Variants in EHBP1 observed in about 807,000 individuals in gnomAD.
EHBP1 encodes the protein EH domain-binding protein 1.
A neutral mutation model predicts 144.0 loss-of-function variants in EHBP1; 55 were observed. The observed-to-expected ratio is 0.38, with a 90% CI of 0.31 to 0.48. The LOEUF (loss-of-function observed/expected upper bound fraction) is 0.48, where lower values mean the gene tolerates loss of function less well. Among genes scored for constraint, EHBP1 ranks in the 20% least tolerant of loss-of-function variants. EHBP1 has a pLI of 0.98. For missense variants in EHBP1, 1,200 were observed against 1,364.2 expected, an observed-to-expected ratio of 0.88 and a Z score of 1.90; for synonymous variants, 469 against 472.7, an observed-to-expected ratio of 0.99 and a Z score of 0.10.
At chr2:62,733,555 G>T (rs2037820524) in intron 2 of EHBP1, among the ~76,000 whole-genome samples, 1 of 152,090 alleles carries the variant, frequency 6.6e-6, no homozygotes, top group African/African-American at 2.4e-5. Flanking sequence ...TCCCCTTTAG[G>T]TGAGAAAGGA....
intron 1 of EHBP1, among the ~76,000 whole-genome samples, chr2:62,690,292 G>A (rs564134877): frequency 5.3e-5 from 8 of 152,244 alleles, no homozygotes; most frequent in South Asian, 4.2e-4. Flanking sequence ...GGCTGGGCAC[G>A]GTGGCTCACG....
Position 62,753,822 on chromosome 2 carries a change from A to G in EHBP1, c.162+6370A>G, listed in dbSNP as rs181520361. Among the ~76,000 whole-genome samples, 80 of 152,238 alleles carry G rather than the reference A, an allele frequency of 5.3e-4. 1 individual carries two copies. In the East Asian group the frequency reaches 0.012, roughly 22 times the overall value. On this transcript the variant is annotated intron_variant, in intron 3 of 22. Coordinates refer to ENST00000431489, the MANE Select transcript of EHBP1 (RefSeq NM_001142616.3). ...CTTGTGCATTTGTCACGTAGTTCTCATGCCATGGTTTTCAGCTCCATCTGG... is the reference window on the plus strand; with the variant it reads ...CTTGTGCATTTGTCACGTAGTTCTCGTGCCATGGTTTTCAGCTCCATCTGG...
intron 10 of EHBP1, among the ~76,000 whole-genome samples, chr2:62,940,559 A>G (rs1299001452): frequency 1.3e-5 from 2 of 152,230 alleles, no homozygotes; most frequent in African/African-American, 4.8e-5. Flanking sequence ...AGTTTCATCC[A>G]ATTATGTACT....
At chr2:62,968,687 A>G (rs139253287) in intron 14 of EHBP1, among the ~76,000 whole-genome samples, 1 of 152,286 alleles carries the variant, frequency 6.6e-6, no homozygotes, top group East Asian at 1.9e-4. Flanking sequence ...TAAATACTTG[A>G]ACTGTTAGAC....
At chr2:62,771,007 TTGAAGGG>T (rs1305277013) in intron 4 of EHBP1, among the ~76,000 whole-genome samples, 1 of 151,796 alleles carries the variant, frequency 6.6e-6, no homozygotes, top group Non-Finnish European at 1.5e-5. Flanking sequence ...CTATGGGAAG[TTGAAGGG>T]TGAAGGGTGG....
intron 10 of EHBP1, among the ~76,000 whole-genome samples, chr2:62,897,425 T>C (rs1035979816): frequency 2.6e-5 from 4 of 152,218 alleles, no homozygotes; most frequent in African/African-American, 4.8e-5. Context: ...GTACATATAT[T>C]ATTTCATATA....
intron 5 of EHBP1, among the ~76,000 whole-genome samples, chr2:62,781,999 G>T (rs1356040945): frequency 6.6e-6 from 1 of 152,154 alleles, no homozygotes; most frequent in Non-Finnish European, 1.5e-5. Context: ...ATTTTACTCA[G>T]TGAGATTAAG....
At chr2:62,730,015 TG>T (rs1432601683) in intron 2 of EHBP1, among the ~76,000 whole-genome samples, 1 of 152,152 alleles carries the variant, frequency 6.6e-6, no homozygotes, top group Non-Finnish European at 1.5e-5. Flanking sequence ...ACAAATTCTT[TG>T]TTTTCTTAGT....
intron 10 of EHBP1, among the ~76,000 whole-genome samples, chr2:62,921,555 A>G (rs1205152373): frequency 6.6e-6 from 1 of 152,206 alleles, no homozygotes; most frequent in Non-Finnish European, 1.5e-5. Context: ...CTGGAAAAAA[A>G]AAATACACAC....
Position 62,834,624 on chromosome 2 carries a change from G to A in EHBP1, c.634+3466G>A, listed in dbSNP as rs143221368. ...TGCACTGGGAAGCCAAAAAGTTTTTGTGACTTACTTTATTGCAATATTCAC... is the reference window on the plus strand; with the variant it reads ...TGCACTGGGAAGCCAAAAAGTTTTTATGACTTACTTTATTGCAATATTCAC... On this transcript the variant is annotated intron_variant, in intron 7 of 22. Transcript: ENST00000431489. Among the ~76,000 whole-genome samples the A allele has an allele frequency of 1.7e-4, 26 of 152,314 alleles. No individual in the cohort carries two copies. In the East Asian group the frequency reaches 3.9e-3, roughly 23 times the overall value.
At chr2:62,817,901 C>G (rs535637324) in intron 5 of EHBP1, among the ~76,000 whole-genome samples, 1 of 152,100 alleles carries the variant, frequency 6.6e-6, no homozygotes, top group South Asian at 2.1e-4. Flanking sequence ...GTAAAATATT[C>G]CATGATCTCA....
At chr2:62,798,449 C>A (rs1340614969) in intron 5 of EHBP1, among the ~76,000 whole-genome samples, 1 of 152,058 alleles carries the variant, frequency 6.6e-6, no homozygotes, top group Non-Finnish European at 1.5e-5. Flanking sequence ...TTGTCTGCCT[C>A]TTTAGAGACT....
At position 62,977,439 on chromosome 2, in the gene EHBP1, G is replaced by T. The variant is rs567842198; in HGVS notation, c.2461-1749G>T. ...ACTGACCTACCTAACCACCAACTTC[G>T]ATCTCTACCCATTCCAAATCCTACT... On this transcript the variant is annotated intron_variant, in intron 14 of 22. Transcript: ENST00000431489. 2.0e-5 allele frequency among the ~76,000 whole-genome samples: 3 copies of T among 152,002 alleles called. No individual in the cohort carries two copies. In the South Asian group the frequency reaches 6.2e-4, roughly 32 times the overall value.
At chr2:62,924,964 C>T (rs2055377759) in intron 10 of EHBP1, among the ~76,000 whole-genome samples, 1 of 152,158 alleles carries the variant, frequency 6.6e-6, no homozygotes, top group Non-Finnish European at 1.5e-5. Flanking sequence ...AAAATACTAA[C>T]AAATTGAGCG....
Position 62,807,521 on chromosome 2 carries a change from C to T in EHBP1, c.313-18566C>T, listed in dbSNP as rs189783408. On this transcript the variant is annotated intron_variant, in intron 5 of 22. Transcript: ENST00000431489. ...TGAACTGGCACCATTGCACTCCAGC[C>T]TGGGCAATAAGAGCGAAACTCCGCC... 1.5e-3 allele frequency among the ~76,000 whole-genome samples: 222 copies of T among 152,228 alleles called. 3 individuals are homozygous for T. The highest frequency in any genetic ancestry group is 0.014 in the South Asian group (67 of 4,808).
chr2:62,910,475 C>T (rs1224147732), intron 10 of EHBP1, among the ~76,000 whole-genome samples: 5 of 152,016 alleles, frequency 3.3e-5, no homozygotes, highest in African/African-American at 1.2e-4. Flanking sequence ...TATTTAACCA[C>T]TTACTGAGTT....
At chr2:62,795,188 T>TA (rs1276371519) in intron 5 of EHBP1, among the ~76,000 whole-genome samples, 1 of 152,054 alleles carries the variant, frequency 6.6e-6, no homozygotes, top group Non-Finnish European at 1.5e-5. Flanking sequence ...AGGCACATGG[T>TA]AACAAATCCA....
upstream of EHBP1, among the ~76,000 whole-genome samples, chr2:62,704,367 CTT>C (rs947922872): frequency 6.6e-5 from 10 of 152,200 alleles, no homozygotes; most frequent in Admixed American, 4.6e-4. Context: ...TGTCTCTCCA[CTT>C]TGTCTTGGCC....
intron 10 of EHBP1, among the ~76,000 whole-genome samples, chr2:62,889,797 CT>C (rs1208933146): frequency 2.0e-5 from 3 of 151,706 alleles, no homozygotes; most frequent in Non-Finnish European, 4.4e-5. Context: ...TCTATTTTGT[CT>C]GTTTTTTTTA....
Sources: gnomAD v4.1 joint callset for allele counts (sites outside exome capture counted in the v4.1 genomes callset) on GRCh38, gnomAD v4.1.1 for gene constraint, MANE v1.5 for transcripts, NCBI Gene and HGNC (gene_info 2026-07-23, HGNC 2026-07-21) for gene names.